The following CCDC85A variants were observed in gnomAD, a reference collection of about 807,000 sequenced individuals.
The protein encoded by CCDC85A is coiled-coil domain-containing protein 85A.
In CCDC85A, 38 loss-of-function variants were observed where a neutral mutation model predicts 50.2. The observed-to-expected ratio is 0.76, with a 90% CI of 0.58 to 0.99. The LOEUF is 0.99. Ranked by LOEUF, CCDC85A falls within the 50% of genes least tolerant of loss-of-function variation. The pLI is 0.00. For synonymous variants in CCDC85A, 366 were observed against 301.4 expected, an observed-to-expected ratio of 1.21 and a Z score of -2.22; for missense variants, 820 against 742.0, an observed-to-expected ratio of 1.11 and a Z score of -1.22.
chr2:56,248,771 A>G (rs1271518451), intron 2 of CCDC85A, among the ~76,000 whole-genome samples: 2 of 152,178 alleles, frequency 1.3e-5, no homozygotes, highest in Non-Finnish European at 2.9e-5. Context: ...CAGTGTCAGG[A>G]CACTGGTCTG....
chr2:56,328,443 T>C lies in CCDC85A; in HGVS notation c.1241-14436T>C, dbSNP rs1201414638. 3.3e-5 allele frequency among the ~76,000 whole-genome samples: 5 copies of C among 152,292 alleles called. No individual in the cohort carries two copies. In the East Asian group the frequency reaches 9.7e-4, roughly 30 times the overall value. On this transcript the variant is annotated intron_variant, in intron 2 of 5. Coordinates refer to ENST00000407595, the MANE Select transcript of CCDC85A (RefSeq NM_001080433.2). ...AGCTCTGCCTCTTCCACCTGACTTC[T>C]GTCGTCAGACCCTTCTCCATCCTCA...
intron 2 of CCDC85A, among the ~76,000 whole-genome samples, chr2:56,275,753 A>C (rs553725339): frequency 6.6e-6 from 1 of 152,196 alleles, no homozygotes; most frequent in Non-Finnish European, 1.5e-5. Flanking sequence ...ATTTATCTTC[A>C]TCATGACCTT....
At chr2:56,302,033 A>G (rs1002951221) in intron 2 of CCDC85A, among the ~76,000 whole-genome samples, 1 of 152,180 alleles carries the variant, frequency 6.6e-6, no homozygotes, top group Non-Finnish European at 1.5e-5. Flanking sequence ...AGGCAGGTGT[A>G]TCACTTGAGG....
At position 56,384,348 on chromosome 2, in the gene CCDC85A, C is replaced by A; in HGVS notation, c.1655C>A (p.Pro552Gln). 6.2e-7 allele frequency: 1 copy of A among 1,610,162 alleles called. No individual in the cohort carries two copies. Among genetic ancestry groups the A allele is most frequent in the Non-Finnish European group, 8.5e-7 (1 of 1,177,372 alleles). Residue 552 changes from proline to glutamine, a missense_variant, in exon 6 of 6, where the codon CCA becomes CAA. Physicochemically the swap from Pro to Gln is moderately conservative, Grantham distance 76 (BLOSUM62 -1). Coordinates refer to ENST00000407595, the MANE Select transcript of CCDC85A (RefSeq NM_001080433.2). ...TTGTCAGGAAACCAGTACAAAGGAC[C>A]AATGTGAGATGCACTCTTTTTCAAA... The part of the protein sequence containing the change: ...QHLSGNQYKG[P>Q]M
chr2:56,189,059 C>G (rs887465599), intron 1 of CCDC85A, among the ~76,000 whole-genome samples: 1 of 152,040 alleles, frequency 6.6e-6, no homozygotes, highest in African/African-American at 2.4e-5. Context: ...TTTTCTGTGC[C>G]GGGGGAAACT....
At chr2:56,317,764 T>C (rs1240984890) in intron 2 of CCDC85A, among the ~76,000 whole-genome samples, 1 of 152,086 alleles carries the variant, frequency 6.6e-6, no homozygotes, top group African/African-American at 2.4e-5. Flanking sequence ...AACTCTAAGT[T>C]GTTCACAGAT....
At chr2:56,233,112 T>C (rs377174826) in intron 2 of CCDC85A, among the ~76,000 whole-genome samples, 1 of 152,188 alleles carries the variant, frequency 6.6e-6, no homozygotes, top group Admixed American at 6.5e-5. Flanking sequence ...CTGTCTCTTA[T>C]TGTCATTCAG....
rs70955011 is a variant in CCDC85A, at chr2:56,189,297, G to GTTTTTTTTTTTTTTTTTTTTT, written c.277-3165_277-3164insTTTTTTTTTTTTTTTTTTTTT. Among the ~76,000 whole-genome samples the GTTTTTTTTTTTTTTTTTTTTT allele has an allele frequency of 3.7e-3, 445 of 121,828 alleles. 29 individuals carry two copies. The highest frequency in any genetic ancestry group is 0.014 in the African/African-American group (414 of 29,114). 79.9% of individuals were successfully genotyped at this position (121,828 alleles called of 152,430 possible). Reference sequence around the variant, plus strand: ...AAAACATGCACGGGGTATTTTTGGTGTTTTTTTTTTTTTTTGAGACAAGGT... The same window carrying GTTTTTTTTTTTTTTTTTTTTT: ...AAAACATGCACGGGGTATTTTTGGTGTTTTTTTTTTTTTTTTTTTTTTTTTTTTTTTTTTTTGAGACAAGGT... On this transcript the variant is annotated intron_variant, in intron 1 of 5. Transcript: ENST00000407595.
chr2:56,261,989 G>GATTC (rs375906098), intron 2 of CCDC85A, among the ~76,000 whole-genome samples: 41 of 152,178 alleles, frequency 2.7e-4, no homozygotes, highest in Non-Finnish European at 4.1e-4. Context: ...TGAAAGGCAT[G>GATTC]ATTCATTCAT....
At chr2:56,223,282 T>C (rs1668405882) in intron 2 of CCDC85A, among the ~76,000 whole-genome samples, 1 of 152,180 alleles carries the variant, frequency 6.6e-6, no homozygotes, top group Admixed American at 6.6e-5. Flanking sequence ...GGCCGGATAG[T>C]TAATATTTTA....
intron 2 of CCDC85A, among the ~76,000 whole-genome samples, chr2:56,255,028 C>T (rs1341298349): frequency 6.6e-6 from 1 of 152,150 alleles, no homozygotes; most frequent in Non-Finnish European, 1.5e-5. Context: ...TTCTGGGACA[C>T]CGCTGATGAA....
chr2:56,362,671 T>G (rs1399981942), intron 3 of CCDC85A, among the ~76,000 whole-genome samples: 1 of 151,946 alleles, frequency 6.6e-6, no homozygotes, highest in East Asian at 1.9e-4. Flanking sequence ...CAGGCTGGAG[T>G]GCAGTGGTGT....
chr2:56,262,001 CA>C (rs1161725589), intron 2 of CCDC85A, among the ~76,000 whole-genome samples: 5 of 152,184 alleles, frequency 3.3e-5, no homozygotes, highest in African/African-American at 1.2e-4. Context: ...TTCATTCATT[CA>C]TTCATTCATC....
chr2:56,282,728 T>C (rs968294867), intron 2 of CCDC85A, among the ~76,000 whole-genome samples: 1 of 152,252 alleles, frequency 6.6e-6, no homozygotes, highest in Non-Finnish European at 1.5e-5. Flanking sequence ...CAGGCTGGTC[T>C]CGAACTCCTG....
In CCDC85A at chr2:56,384,184, C is replaced by G. The variant is rs1450530347; in HGVS notation, c.1573-82C>G. Reference sequence around the variant, plus strand: ...TTGTCTTTACTTCATCTTCGCTCCTCTCTTAATTTACCCTTAAGAAATGCA... The same window carrying G: ...TTGTCTTTACTTCATCTTCGCTCCTGTCTTAATTTACCCTTAAGAAATGCA... On this transcript the variant is annotated intron_variant, in intron 5 of 5. Coordinates refer to ENST00000407595, the MANE Select transcript of CCDC85A (RefSeq NM_001080433.2). 5.7e-6 allele frequency: 7 copies of G among 1,225,444 alleles called. No individual in the cohort carries two copies. The Admixed American group carries it at 9.3e-5, about 16-fold the overall frequency. The allele number at this position is 1,225,444 out of a possible 1,614,324, so 75.9% of individuals were successfully genotyped here. A position where few individuals can be genotyped will look rare whatever the true frequency, so the allele number is the denominator to read the frequency against.
At chr2:56,367,680 G>A (rs1398884674) in intron 3 of CCDC85A, among the ~76,000 whole-genome samples, 1 of 152,088 alleles carries the variant, frequency 6.6e-6, no homozygotes, top group South Asian at 2.1e-4. Context: ...TTTGCCAAAT[G>A]TTTTCTCTTG....
intron 2 of CCDC85A, among the ~76,000 whole-genome samples, chr2:56,224,133 A>G (rs1364016909): frequency 6.6e-6 from 1 of 152,150 alleles, no homozygotes; most frequent in Non-Finnish European, 1.5e-5. Flanking sequence ...ATCTTCCCTC[A>G]CAATCTCAAA....
intron 1 of CCDC85A, among the ~76,000 whole-genome samples, chr2:56,189,054 T>C (rs1048707956): frequency 1.4e-4 from 22 of 152,226 alleles, no homozygotes; most frequent in Middle Eastern, 3.2e-3. Context: ...GGTACTTTTC[T>C]GTGCCGGGGG....
At chr2:56,332,570 C>G (rs1263514895) in intron 2 of CCDC85A, among the ~76,000 whole-genome samples, 2 of 152,064 alleles carry the variant, frequency 1.3e-5, no homozygotes, top group African/African-American at 4.8e-5. Flanking sequence ...TTTGGAGGGA[C>G]ACAACACTCA....
Sources: gnomAD v4.1 joint callset for allele counts (sites outside exome capture counted in the v4.1 genomes callset) on GRCh38, gnomAD v4.1.1 for gene constraint, MANE v1.5 for transcripts, NCBI Gene and HGNC (gene_info 2026-07-23, HGNC 2026-07-21) for gene names.